RALGPS2: variants seen among roughly 807,000 people sequenced by gnomAD.
The protein encoded by RALGPS2 is Ral GEF with PH domain and SH3 binding motif 2.
In RALGPS2, 43 loss-of-function variants were observed where a neutral mutation model predicts 86.8. That is an observed-to-expected ratio of 0.50 (90% CI 0.39 to 0.64). The LOEUF (loss-of-function observed/expected upper bound fraction) is 0.64. RALGPS2 is among the 30% of genes least tolerant of loss of function. RALGPS2 has a pLI of 0.00. For synonymous variants in RALGPS2, 243 were observed against 231.3 expected (o/e 1.05, Z -0.46); for missense variants, 536 against 694.6 (o/e 0.77, Z 2.57).
intron 8 of RALGPS2, among the ~76,000 whole-genome samples, chr1:178,862,593 T>TTTA (rs1553272297): frequency 0.018 from 2,472 of 140,730 alleles, 56 homozygotes; most frequent in African/African-American, 0.054. Flanking sequence ...GTTGCATTTT[T>TTTA]TTTATTTATT....
intron 8 of RALGPS2, among the ~76,000 whole-genome samples, chr1:178,848,457 T>G (rs549971547): frequency 4.6e-5 from 7 of 152,338 alleles, no homozygotes; most frequent in African/African-American, 1.7e-4. Flanking sequence ...GGACCTTACC[T>G]ACCACACAAA....
intron 8 of RALGPS2, chr1:178,853,910 C>T: frequency 1.7e-6 from 1 of 597,366 alleles, no homozygotes; most frequent in Non-Finnish European, 2.6e-6. Context: ...ATCATATATA[C>T]AATATTATAA....
At chr1:178,898,644 A>C (rs893130974) in intron 17 of RALGPS2, among the ~76,000 whole-genome samples, 1 of 151,908 alleles carries the variant, frequency 6.6e-6, no homozygotes, top group African/African-American at 2.4e-5. Context: ...TTTTCTTCAT[A>C]GTGTTAGCAT....
intron 6 of RALGPS2, among the ~76,000 whole-genome samples, chr1:178,815,203 C>G (rs1655169839): frequency 6.6e-6 from 1 of 152,144 alleles, no homozygotes; most frequent in Non-Finnish European, 1.5e-5. Context: ...GCCTCAGCCT[C>G]CCAAGTAGCT....
rs140727257 is a variant in RALGPS2, at chr1:178,875,884, C to A, written c.608-1614C>A. Reference sequence around the variant, plus strand: ...GCATTCAAAATTACAGTTGAGATTTCGGAAGAAGAGAGAGATGATTCTTCC... The same window carrying A: ...GCATTCAAAATTACAGTTGAGATTTAGGAAGAAGAGAGAGATGATTCTTCC... On this transcript the variant is annotated intron_variant, in intron 8 of 19. Coordinates refer to ENST00000367635, the MANE Select transcript of RALGPS2 (RefSeq NM_152663.5). Among the ~76,000 whole-genome samples, 393 of 152,148 alleles carry A rather than the reference C, an allele frequency of 2.6e-3. 5 individuals carry two copies. The highest frequency in any genetic ancestry group is 9.0e-3 in the African/African-American group (373 of 41,506).
At chr1:178,803,290 A>G (rs553142374) in intron 4 of RALGPS2, among the ~76,000 whole-genome samples, 2 of 152,312 alleles carry the variant, frequency 1.3e-5, no homozygotes, top group South Asian at 4.2e-4. Flanking sequence ...CCTTTTGTGT[A>G]AAGGTCTATA....
chr1:178,800,966 G>A (rs577246977), intron 4 of RALGPS2, among the ~76,000 whole-genome samples: 1 of 149,360 alleles, frequency 6.7e-6, no homozygotes, highest in South Asian at 2.1e-4. Flanking sequence ...TCGCTCTGTT[G>A]CCCAGGCTGG....
At chr1:178,876,817 A>G (rs1418457142) in intron 8 of RALGPS2, among the ~76,000 whole-genome samples, 1 of 152,162 alleles carries the variant, frequency 6.6e-6, no homozygotes, top group African/African-American at 2.4e-5. Flanking sequence ...AGGATGTGTT[A>G]TTTTTGTTGG....
chr1:178,811,416 TTG>T lies in RALGPS2; in HGVS notation c.387+16_387+17del. The stretch of plus-strand genomic sequence containing the variant: ...TTAAAACTGCTAAGGTAAGAAAAAC[TTG>T]TGTTTTTATTTTTGAGTTCAACCAT... On this transcript the variant is annotated intron_variant, in intron 6 of 19. Transcript: ENST00000367635. The T allele has an allele frequency of 6.7e-7, 1 of 1,497,852 alleles. No individual in the cohort carries two copies. The highest frequency in any genetic ancestry group is 8.9e-7 in the Non-Finnish European group (1 of 1,118,990). The allele number at this position is 1,497,852 out of a possible 1,614,324, so 92.8% of individuals were successfully genotyped here.
chr1:178,761,690 A>G (rs1051370684), intron 1 of RALGPS2, among the ~76,000 whole-genome samples: 1 of 151,626 alleles, frequency 6.6e-6, no homozygotes, highest in African/African-American at 2.4e-5. Flanking sequence ...CCTCCCAAGT[A>G]GCTGAGATTA....
chr1:178,743,262 G>C (rs1447546022), intron 1 of RALGPS2, among the ~76,000 whole-genome samples: 4 of 152,064 alleles, frequency 2.6e-5, no homozygotes, highest in African/African-American at 9.7e-5. Flanking sequence ...GTAGAACTCA[G>C]AAAGAATTTA....
chr1:178,886,702 AC>A (rs951122656), intron 13 of RALGPS2, among the ~76,000 whole-genome samples: 5 of 152,232 alleles, frequency 3.3e-5, no homozygotes, highest in African/African-American at 4.8e-5. Flanking sequence ...AAATAAAAAA[AC>A]ATTCTCACAT....
chr1:178,897,207 CAG>C (rs1437293611), intron 16 of RALGPS2, among the ~76,000 whole-genome samples: 1 of 151,848 alleles, frequency 6.6e-6, no homozygotes, highest in Non-Finnish European at 1.5e-5. Context: ...CACTGGCCAT[CAG>C]AGAAATGCAA....
At chr1:178,883,365 A>T (rs972259621) in intron 10 of RALGPS2, 101 bp from the exon 11 acceptor site, 6 of 909,034 alleles carry the variant, frequency 6.6e-6, no homozygotes, top group African/African-American at 5.0e-5. Context: ...ATTATTTCAT[A>T]AAAATGTTTT....
intron 4 of RALGPS2, among the ~76,000 whole-genome samples, chr1:178,795,945 GA>G (rs758684775): frequency 4.6e-5 from 7 of 152,104 alleles, no homozygotes; most frequent in Non-Finnish European, 8.8e-5. Flanking sequence ...GAGATTTGAA[GA>G]AAGCAAAGAA....
At chr1:178,908,517 C>T (rs1660479490) in intron 19 of RALGPS2, among the ~76,000 whole-genome samples, 1 of 152,240 alleles carries the variant, frequency 6.6e-6, no homozygotes, top group South Asian at 2.1e-4. Context: ...CTGCTTTCCA[C>T]AGTGGCTGAA....
At chr1:178,915,315 A>G (rs1459428278) in intron 19 of RALGPS2, among the ~76,000 whole-genome samples, 1 of 152,126 alleles carries the variant, frequency 6.6e-6, no homozygotes, top group Non-Finnish European at 1.5e-5. Flanking sequence ...GGCTCACTGC[A>G]ACCTCTGCCT....
chr1:178,867,612 C>T (rs555966632), intron 8 of RALGPS2, among the ~76,000 whole-genome samples: 12 of 152,072 alleles, frequency 7.9e-5, no homozygotes, highest in Admixed American at 4.6e-4. Flanking sequence ...TCTTGTTTTT[C>T]GCTGCCTTTT....
At chr1:178,841,663 G>A (rs1188325760) in intron 8 of RALGPS2, among the ~76,000 whole-genome samples, 29 of 77,472 alleles carry the variant, frequency 3.7e-4, no homozygotes, top group South Asian at 1.5e-3. Context: ...CAATTAGACA[G>A]GAGAAGGAAA....
Sources: allele counts gnomAD v4.1 joint callset (sites outside exome capture counted in the v4.1 genomes callset), GRCh38; gene constraint gnomAD v4.1.1; transcripts MANE v1.5; gene names NCBI Gene and HGNC (gene_info 2026-07-23, HGNC 2026-07-21).